The following NDRG4 variants were observed in gnomAD, a reference collection of about 807,000 sequenced individuals.
The protein encoded by NDRG4 is NDRG family member 4.
A neutral mutation model predicts 55.8 loss-of-function variants in NDRG4; 38 were observed. The observed-to-expected ratio is 0.68, with a 90% CI of 0.53 to 0.89. The LOEUF is 0.89. Ranked by LOEUF, NDRG4 falls within the 40% of genes least tolerant of loss-of-function variation. The pLI is 0.00. For synonymous variants in NDRG4, 190 were observed against 182.7 expected (o/e 1.04, Z -0.32); for missense variants, 455 against 468.6 (o/e 0.97, Z 0.27).
At chr16:58,515,017 A>C (rs898949319), downstream of NDRG4, among the ~76,000 whole-genome samples, 7 of 152,356 alleles carry the variant, frequency 4.6e-5, no homozygotes, top group Admixed American at 2.6e-4. Context: ...AAATAAGGGC[A>C]GAGAGGATCT....
rs1393375984 is a variant in NDRG4 at position 58,512,386 on chromosome 16, A to G, written c.*810A>G. 1.9e-5 allele frequency: 5 copies of G among 268,544 alleles called. No homozygotes were observed. Among genetic ancestry groups the G allele is most frequent in the African/African-American group, 9.4e-5 (4 of 42,490 alleles). The allele number at this position is 268,544 out of a possible 1,614,324, so 16.6% of individuals were successfully genotyped here. On this transcript the variant is annotated 3_prime_UTR_variant, in exon 15 of 15. Transcript: ENST00000570248. ...CCCATGTGTGGTGTGTGTGCCCCTG[A>G]GAACTTCGTGGTGACTGCCTTTGGG...
intron 1 of NDRG4, among the ~76,000 whole-genome samples, chr16:58,474,374 T>C (rs72790232): frequency 0.24 from 35,769 of 152,034 alleles, 4,659 homozygotes; most frequent in Non-Finnish European, 0.29. Flanking sequence ...TTTCGTTTGC[T>C]CAAACATGCA....
Position 58,487,723 on chromosome 16 carries a change from G to A in NDRG4, c.-23-33G>A, listed in dbSNP as rs1183861204. The A allele has an allele frequency of 2.7e-6, 4 of 1,459,980 alleles. No homozygotes were observed. In the South Asian group the frequency reaches 3.9e-5, roughly 14 times the overall value. 90.4% of individuals were successfully genotyped at this position (1,459,980 alleles called of 1,614,324 possible). On this transcript the variant is annotated intron_variant, in intron 1 of 15. Transcript: ENST00000258187. ...CCTTCTCCGCCCGGGCGTCCCCGCC[G>A]CAGCAGGCCTCAACCTCGCCCTCCC... is the stretch of plus-strand genomic sequence containing the variant.
chr16:58,500,801 C>T (rs2036981941), intron 1 of NDRG4: 1 of 419,832 alleles, frequency 2.4e-6, no homozygotes. Context: ...GTTTGGATGG[C>T]TGCGCCAGTG....
intron 1 of NDRG4, chr16:58,465,076 G>C: frequency 7.8e-7 from 1 of 1,283,978 alleles, no homozygotes; most frequent in Non-Finnish European, 1.0e-6. Flanking sequence ...GAGGAGGTGG[G>C]AAAGGGAGCA....
chr16:58,477,355 A>T (rs1356040543), intron 1 of NDRG4, among the ~76,000 whole-genome samples: 1 of 152,128 alleles, frequency 6.6e-6, no homozygotes, highest in Non-Finnish European at 1.5e-5. Flanking sequence ...TTCATGGTTG[A>T]GGCAGAGAAA....
chr16:58,504,578 C>T lies in NDRG4; in HGVS notation c.312-11C>T, dbSNP rs1429146383. The T allele has an allele frequency of 1.2e-6, 2 of 1,614,198 alleles. No individual in the cohort carries two copies. Among genetic ancestry groups the T allele is most frequent in the East Asian group, 4.5e-5 (2 of 44,890 alleles). On this transcript the variant is annotated splice_polypyrimidine_tract_variant and intron_variant, in intron 4 of 14. Transcript: ENST00000570248. ...CCCTAGCCCTAGAGTGACCAGCCTG[C>T]TCTGCACCAGGTTCAAGTATGTGAT...
At position 58,506,133 on chromosome 16, in the gene NDRG4, C is replaced by CGTGTGT. The variant is rs113481456; in HGVS notation, c.373-235_373-230dup. ...TTAAGAGCTGATTCTGTTGAAAGAGCGTGTGTGTGTGTGTGTGTGTGTGTC... is the reference window on the plus strand; with the variant it reads ...TTAAGAGCTGATTCTGTTGAAAGAGCGTGTGTGTGTGTGTGTGTGTGTGTGTGTGTC... On this transcript the variant is annotated intron_variant, in intron 5 of 14. Coordinates refer to ENST00000570248, the MANE Select transcript of NDRG4 (RefSeq NM_001242835.2). 4.1e-3 allele frequency: 2,242 copies of CGTGTGT among 540,374 alleles called. 26 individuals carry two copies. The highest frequency in any genetic ancestry group is 0.015 in the African/African-American group (682 of 44,968). The allele number at this position is 540,374 out of a possible 1,614,324, so 33.5% of individuals were successfully genotyped here.
chr16:58,494,266 G>T lies in NDRG4; in HGVS notation c.73-698G>T, dbSNP rs74019893. Among the ~76,000 whole-genome samples the T allele has an allele frequency of 8.1e-3, 1,233 of 152,320 alleles. 22 individuals are homozygous for T. The highest frequency in any genetic ancestry group is 0.029 in the African/African-American group (1,189 of 41,578). On this transcript the variant is annotated intron_variant, in intron 2 of 15. Transcript: ENST00000258187. ...AGTGATCTGAGGCACAAAGCGACCA[G>T]GTCTGGAGAGGTGGGAGCAGCTGCC...
At chr16:58,513,645 CCT>C (rs1472890717), downstream of NDRG4, 2 of 106,890 alleles carry the variant, frequency 1.9e-5, no homozygotes, top group Non-Finnish European at 2.1e-5. Context: ...TCATTTCTCC[CCT>C]GACTCTGTGA....
intron 1 of NDRG4, among the ~76,000 whole-genome samples, chr16:58,482,761 C>T (rs2034612358): frequency 1.4e-5 from 2 of 142,812 alleles, no homozygotes; most frequent in African/African-American, 2.6e-5. Context: ...TCCTTCTTTC[C>T]TTCCTTCCTT....
At position 58,513,234 on chromosome 16, in the gene NDRG4, G is replaced by A. The variant is rs2038989123; in HGVS notation, c.*1658G>A. 6.6e-6 allele frequency: 1 copy of A among 151,630 alleles called. No individual in the cohort carries two copies. The highest frequency in any genetic ancestry group is 1.9e-4 in the East Asian group (1 of 5,136). 9.4% of individuals were successfully genotyped at this position (151,630 alleles called of 1,614,324 possible). A position where few individuals can be genotyped will look rare whatever the true frequency, so the allele number is the denominator to read the frequency against. On this transcript the variant is annotated 3_prime_UTR_variant, in exon 15 of 15. Transcript: ENST00000570248. Reference sequence around the variant, plus strand: ...TCCCATGTGTGGTGTTCTTCTGGAGGTTGTCTCTTTGGTCAAGGTGAACTT... The same window carrying A: ...TCCCATGTGTGGTGTTCTTCTGGAGATTGTCTCTTTGGTCAAGGTGAACTT...
rs578200561 is a variant in NDRG4, at chr16:58,464,475, C to T, written c.-24+678C>T. ...GGCTGGAGCTGCTCACAGGTACCGC[C>T]CGCCTGCCCCGCAGCCGGCCGCCAC... is the stretch of plus-strand genomic sequence containing the variant. On this transcript the variant is annotated intron_variant, in intron 1 of 15. Coordinates refer to the NDRG4 transcript ENST00000258187. This position sits in a 1 kb window ranked among gnomAD's most constrained non-coding sequence, Gnocchi z 4.8. 3.6e-5 allele frequency: 48 copies of T among 1,316,826 alleles called. No homozygotes were observed. The highest frequency in any genetic ancestry group is 4.2e-5 in the Non-Finnish European group (43 of 1,032,258). The allele number at this position is 1,316,826 out of a possible 1,614,324, so 81.6% of individuals were successfully genotyped here. A position where few individuals can be genotyped will look rare whatever the true frequency, so the allele number is the denominator to read the frequency against.
At chr16:58,468,459 G>A (rs918322061) in intron 1 of NDRG4, among the ~76,000 whole-genome samples, 23 of 152,176 alleles carry the variant, frequency 1.5e-4, no homozygotes, top group South Asian at 4.1e-4. Flanking sequence ...GTTGTCTCAC[G>A]CCTGTAATCC....
At position 58,512,129 on chromosome 16, in the gene NDRG4, C is replaced by G; in HGVS notation, c.*553C>G. 1 of 456,450 alleles carries G rather than the reference C, an allele frequency of 2.2e-6. No homozygotes were observed. The highest frequency in any genetic ancestry group is 4.4e-6 in the Non-Finnish European group (1 of 226,826). The allele number at this position is 456,450 out of a possible 1,614,324, so 28.3% of individuals were successfully genotyped here. A position where few individuals can be genotyped will look rare whatever the true frequency, so the allele number is the denominator to read the frequency against. ...CTTTCCTGGTGCTCTCTGGGCCCAG[C>G]TGGTGCTGTAGGGCCACGCAGGCAG... On this transcript the variant is annotated 3_prime_UTR_variant, in exon 15 of 15. Transcript: ENST00000570248.
At chr16:58,475,815 C>T (rs2033544537) in intron 1 of NDRG4, among the ~76,000 whole-genome samples, 2 of 146,426 alleles carry the variant, frequency 1.4e-5, no homozygotes, top group Admixed American at 6.7e-5. Flanking sequence ...TTTTTTTTTT[C>T]AGACAGAGTC....
At chr16:58,487,555 A>G (rs1025243863) in intron 1 of NDRG4, among the ~76,000 whole-genome samples, 1 of 152,180 alleles carries the variant, frequency 6.6e-6, no homozygotes, top group Non-Finnish European at 1.5e-5. Context: ...AACAAATACT[A>G]TAATGGTATC....
intron 1 of NDRG4, among the ~76,000 whole-genome samples, chr16:58,483,933 G>A (rs994875262): frequency 2.0e-5 from 3 of 152,156 alleles, no homozygotes; most frequent in African/African-American, 7.2e-5. Context: ...GTCGGGCTCT[G>A]GTGGCACACA....
chr16:58,494,024 T>A (rs769784312), intron 2 of NDRG4, among the ~76,000 whole-genome samples: 8 of 152,206 alleles, frequency 5.3e-5, no homozygotes, highest in Non-Finnish European at 8.8e-5. Context: ...CAGCCATCTG[T>A]GCAGCCTCGT....
Sources: gnomAD v4.1 joint callset for allele counts (sites outside exome capture counted in the v4.1 genomes callset) on GRCh38, gnomAD v4.1.1 for gene constraint, Gnocchi (gnomAD v3.1) non-coding constraint, MANE v1.5 for transcripts, NCBI Gene and HGNC (gene_info 2026-07-23, HGNC 2026-07-21) for gene names.